CNTNAP2: variants seen among roughly 807,000 people sequenced by gnomAD.
CNTNAP2 encodes contactin-associated protein-like 2.
Under a neutral mutation model 155.2 loss-of-function variants are expected in CNTNAP2, and 98 were observed. The observed-to-expected ratio is 0.63, with a 90% confidence interval of 0.54 to 0.75. CNTNAP2 has a LOEUF of 0.75. Among genes scored for constraint, CNTNAP2 ranks in the 30% least tolerant of loss-of-function variants. CNTNAP2 has a pLI of 0.00. For synonymous variants in CNTNAP2, 651 were observed against 631.2 expected, an observed-to-expected ratio of 1.03 and a Z score of -0.47; for missense variants, 1,727 against 1,688.1, an observed-to-expected ratio of 1.02 and a Z score of -0.40.
At chr7:146,960,244 TG>T (rs1797529197) in intron 3 of CNTNAP2, among the ~76,000 whole-genome samples, 1 of 152,232 alleles carries the variant, frequency 6.6e-6, no homozygotes, top group Non-Finnish European at 1.5e-5. Flanking sequence ...AGGTCCAAAA[TG>T]CACATCTTTC....
chr7:148,402,889 T>TG (rs1458330702), intron 22 of CNTNAP2, among the ~76,000 whole-genome samples: 1 of 151,888 alleles, frequency 6.6e-6, no homozygotes, highest in Non-Finnish European at 1.5e-5. Flanking sequence ...CCTTTCATTT[T>TG]GGGGGGTTTT....
chr7:146,598,919 C>G (rs1798904546), intron 1 of CNTNAP2, among the ~76,000 whole-genome samples: 1 of 152,046 alleles, frequency 6.6e-6, no homozygotes, highest in Admixed American at 6.6e-5. Context: ...GCACTAAATG[C>G]ACTAAAAATG....
chr7:148,409,387 A>T lies in CNTNAP2; in HGVS notation c.3716-4A>T. On this transcript the variant is annotated splice_polypyrimidine_tract_variant and splice_region_variant and intron_variant, in intron 22 of 23. Transcript: ENST00000361727. Reference sequence around the variant, plus strand: ...CTGACACTTGACTCTTTCTTTCTCTACAGCCAGTGCGGATTTTCCATATAA... The same window carrying T: ...CTGACACTTGACTCTTTCTTTCTCTTCAGCCAGTGCGGATTTTCCATATAA... 1 of 1,554,874 alleles carries T rather than the reference A, an allele frequency of 6.4e-7. No homozygotes were observed. Among genetic ancestry groups the T allele is most frequent in the Non-Finnish European group, 8.7e-7 (1 of 1,150,426 alleles).
intron 13 of CNTNAP2, among the ~76,000 whole-genome samples, chr7:147,781,542 C>A (rs1236536486): frequency 6.6e-6 from 1 of 152,184 alleles, no homozygotes; most frequent in Admixed American, 6.5e-5. Flanking sequence ...TCAGTTATGG[C>A]ATCACCTGAA....
At chr7:146,999,879 A>G (rs1798389044) in intron 3 of CNTNAP2, among the ~76,000 whole-genome samples, 1 of 152,004 alleles carries the variant, frequency 6.6e-6, no homozygotes, top group Non-Finnish European at 1.5e-5. Context: ...AATCAGAATG[A>G]AGACTTTTTA....
intron 13 of CNTNAP2, among the ~76,000 whole-genome samples, chr7:147,664,017 G>A (rs1209508795): frequency 6.6e-6 from 1 of 152,188 alleles, no homozygotes; most frequent in East Asian, 1.9e-4. Context: ...AGTAAAACGT[G>A]TTTAACCACA....
intron 9 of CNTNAP2, among the ~76,000 whole-genome samples, chr7:147,381,999 C>T (rs1028361980): frequency 1.6e-4 from 25 of 151,860 alleles, no homozygotes; most frequent in African/African-American, 5.3e-4. Context: ...AATAATATGG[C>T]TACTCTAAAT....
At chr7:146,246,639 A>G (rs148255827) in intron 1 of CNTNAP2, among the ~76,000 whole-genome samples, 4,696 of 149,852 alleles carry the variant, frequency 0.031, 195 homozygotes, top group African/African-American at 0.069. Flanking sequence ...ATCCGACAGC[A>G]TCAGTCTTCA....
chr7:147,024,242 T>A (rs1478733278), intron 3 of CNTNAP2, among the ~76,000 whole-genome samples: 1 of 152,172 alleles, frequency 6.6e-6, no homozygotes, highest in Non-Finnish European at 1.5e-5. Flanking sequence ...AGAGAAAAAA[T>A]TACTTTTGGG....
chr7:147,282,247 T>G (rs558825815), intron 8 of CNTNAP2, among the ~76,000 whole-genome samples: 9 of 152,016 alleles, frequency 5.9e-5, no homozygotes, highest in African/African-American at 1.9e-4. Flanking sequence ...AGTCTAAGTG[T>G]GTAATCCATA....
intron 13 of CNTNAP2, among the ~76,000 whole-genome samples, chr7:147,641,880 T>G (rs1795283674): frequency 6.6e-6 from 1 of 152,172 alleles, no homozygotes; most frequent in South Asian, 2.1e-4. Context: ...GGTATTTTGT[T>G]ATGGAAGCCT....
chr7:148,347,618 C>T (rs1798350025), intron 21 of CNTNAP2, among the ~76,000 whole-genome samples: 1 of 152,062 alleles, frequency 6.6e-6, no homozygotes, highest in Non-Finnish European at 1.5e-5. Context: ...TAGGGTATTA[C>T]AGTGAATATA....
At chr7:147,166,022 C>A (rs532975212) in intron 8 of CNTNAP2, among the ~76,000 whole-genome samples, 2 of 152,236 alleles carry the variant, frequency 1.3e-5, no homozygotes, top group South Asian at 4.1e-4. Context: ...AGCAGTCCTA[C>A]TACTGGGTAT....
chr7:148,046,031 CT>C (rs1333810348), intron 15 of CNTNAP2, among the ~76,000 whole-genome samples: 1 of 152,070 alleles, frequency 6.6e-6, no homozygotes. Context: ...TGGGCAAGAC[CT>C]TTTTCTCCTC....
intron 1 of CNTNAP2, among the ~76,000 whole-genome samples, chr7:146,132,861 C>T (rs747186003): frequency 2.8e-4 from 42 of 148,270 alleles, no homozygotes; most frequent in African/African-American, 8.5e-4. Flanking sequence ...TGAATAATGC[C>T]GCAATAAACA....
At chr7:146,560,723 C>T (rs1477570782) in intron 1 of CNTNAP2, among the ~76,000 whole-genome samples, 1 of 152,104 alleles carries the variant, frequency 6.6e-6, no homozygotes, top group Admixed American at 6.6e-5. Context: ...AAGAGAAGTT[C>T]CTGACCTTCC....
At chr7:146,413,838 T>C (rs1336792696) in intron 1 of CNTNAP2, among the ~76,000 whole-genome samples, 1 of 151,806 alleles carries the variant, frequency 6.6e-6, no homozygotes, top group East Asian at 1.9e-4. Flanking sequence ...TTTTCTTTTC[T>C]TTTTTTTCTT....
chr7:147,400,445 C>T (rs1796893498), intron 10 of CNTNAP2, among the ~76,000 whole-genome samples: 1 of 152,080 alleles, frequency 6.6e-6, no homozygotes, highest in Non-Finnish European at 1.5e-5. Flanking sequence ...GTAGCCAGGA[C>T]ACATGGTTAG....
At position 146,324,494 on chromosome 7, in the gene CNTNAP2, G is replaced by A. The variant is rs577337252; in HGVS notation, c.97+207521G>A. On this transcript the variant is annotated intron_variant, in intron 1 of 23. Transcript: ENST00000361727. Reference sequence around the variant, plus strand: ...TCTCCTGTTTAAATTGAAATTAGCAGTATCTGGTACTTTTCTCTAGACGTA... The same window carrying A: ...TCTCCTGTTTAAATTGAAATTAGCAATATCTGGTACTTTTCTCTAGACGTA... 4.7e-4 allele frequency among the ~76,000 whole-genome samples: 71 copies of A among 152,252 alleles called. 1 individual carries two copies. Among genetic ancestry groups the A allele is most frequent in the African/African-American group, 1.6e-3 (65 of 41,558 alleles).
Sources: gnomAD v4.1 joint callset for allele counts (sites outside exome capture counted in the v4.1 genomes callset) on GRCh38, gnomAD v4.1.1 for gene constraint, MANE v1.5 for transcripts, NCBI Gene and HGNC (gene_info 2026-07-23, HGNC 2026-07-21) for gene names.